The following MLLT10 variants were observed in gnomAD, a reference collection of about 807,000 sequenced individuals.
The protein encoded by MLLT10 is protein AF-10.
In MLLT10, 30 loss-of-function variants were observed where a neutral mutation model predicts 129.1. The ratio of observed to expected loss-of-function variants is 0.23; its 90% CI spans 0.17 to 0.32. The LOEUF is 0.32. Ranked by LOEUF, MLLT10 falls within the 10% of genes least tolerant of loss-of-function variation. MLLT10 has a pLI of 1.00. For missense variants in MLLT10, 1,119 were observed against 1,268.3 expected (o/e 0.88, Z 1.79); for synonymous variants, 490 against 446.4 (o/e 1.10, Z -1.23).
chr10:21,556,354 G>GGGGTTCTTA (rs980984168), intron 3 of MLLT10, among the ~76,000 whole-genome samples: 1 of 152,158 alleles, frequency 6.6e-6, no homozygotes, highest in Non-Finnish European at 1.5e-5. Flanking sequence ...GTGATCTAGC[G>GGGGTTCTTA]GGGTTCTTAG....
intron 8 of MLLT10, among the ~76,000 whole-genome samples, chr10:21,640,293 TTA>T (rs1036470564): frequency 2.1e-5 from 3 of 144,002 alleles, no homozygotes; most frequent in Non-Finnish European, 3.0e-5. Flanking sequence ...ATAATATATA[TTA>T]TATAATATAT....
chr10:21,697,230 G>C (rs1009125045), intron 13 of MLLT10, among the ~76,000 whole-genome samples: 2 of 152,124 alleles, frequency 1.3e-5, no homozygotes, highest in Non-Finnish European at 2.9e-5. Context: ...ACTTTGAGAG[G>C]CTGAGGCGGG....
At chr10:21,721,338 G>A (rs1055886803) in intron 14 of MLLT10, among the ~76,000 whole-genome samples, 3 of 151,940 alleles carry the variant, frequency 2.0e-5, no homozygotes, top group South Asian at 4.1e-4. Flanking sequence ...TTAGTCTTTC[G>A]AACCTAATTT....
chr10:21,678,809 A>G (rs2052448523), intron 11 of MLLT10, among the ~76,000 whole-genome samples: 1 of 152,174 alleles, frequency 6.6e-6, no homozygotes, highest in Non-Finnish European at 1.5e-5. Flanking sequence ...AGTACGTTTA[A>G]GTTTCTTAGG....
At chr10:21,660,927 T>G (rs1043448667) in intron 9 of MLLT10, among the ~76,000 whole-genome samples, 1 of 151,804 alleles carries the variant, frequency 6.6e-6, no homozygotes, top group Admixed American at 6.6e-5. Context: ...TTCTAATATA[T>G]TCATTCAGTG....
intron 10 of MLLT10, among the ~76,000 whole-genome samples, chr10:21,672,377 G>A (rs1043172026): frequency 6.6e-5 from 10 of 151,940 alleles, no homozygotes; most frequent in Non-Finnish European, 1.3e-4. Flanking sequence ...ACAAGCATGC[G>A]TCACCATGCC....
intron 20 of MLLT10, among the ~76,000 whole-genome samples, chr10:21,734,873 T>C (rs1392479307): frequency 6.6e-6 from 1 of 152,242 alleles, no homozygotes. Flanking sequence ...CACATGTAAA[T>C]TTCTATTCCA....
rs565124033 is a variant in MLLT10 at position 21,598,337 on chromosome 10, C to T, written c.405+2897C>T. On this transcript the variant is annotated intron_variant, in intron 5 of 22. Transcript: ENST00000307729. ...GACCTATCATTTCAGAGAAGCATTT[C>T]TCTACTTCTGACACAACAGTATAAT... Among the ~76,000 whole-genome samples, 17 of 152,290 alleles carry T rather than the reference C, an allele frequency of 1.1e-4. No individual in the cohort carries two copies. In the East Asian group the frequency reaches 3.1e-3, roughly 28 times the overall value.
chr10:21,642,648 C>T (rs1447290048), intron 8 of MLLT10, among the ~76,000 whole-genome samples: 1 of 142,156 alleles, frequency 7.0e-6, no homozygotes, highest in Admixed American at 7.3e-5. Flanking sequence ...CAGAGCAAGA[C>T]TCTGTCTCAA....
chr10:21,636,422 G>GA (rs2047464966), intron 8 of MLLT10, among the ~76,000 whole-genome samples: 1 of 152,066 alleles, frequency 6.6e-6, no homozygotes, highest in East Asian at 1.9e-4. Context: ...GAGCCACTGC[G>GA]ACCGGCCCAT....
rs1589035610 is a variant in MLLT10, at chr10:21,576,735, A to T, written c.241-9559A>T. 2.6e-5 allele frequency among the ~76,000 whole-genome samples: 4 copies of T among 151,168 alleles called. No individual in the cohort carries two copies. The South Asian group carries it at 8.3e-4, about 31-fold the overall frequency. On this transcript the variant is annotated intron_variant, in intron 3 of 22. Transcript: ENST00000307729. The stretch of plus-strand genomic sequence containing the variant: ...AACCTCCGCTTCCCGGGTTCAAGCG[A>T]TTCTCCTGCCTCAGCCTCACGAGTA...
chr10:21,688,505 T>C, intron 13 of MLLT10: 1 of 1,613,036 alleles, frequency 6.2e-7, no homozygotes, highest in Non-Finnish European at 8.5e-7. Context: ...AGGTGACAGT[T>C]CTACACTAAC....
At chr10:21,637,223 A>G (rs1215522214) in intron 8 of MLLT10, among the ~76,000 whole-genome samples, 3 of 152,290 alleles carry the variant, frequency 2.0e-5, no homozygotes, top group East Asian at 1.9e-4. Context: ...AAAGGTAGAC[A>G]ATGTGCTTCA....
intron 15 of MLLT10, 60 bp from the exon 16 acceptor site, chr10:21,727,796 G>A: frequency 7.3e-7 from 1 of 1,374,022 alleles, no homozygotes. Context: ...CAGGGCAAGA[G>A]TTTAAAACCT....
At chr10:21,607,843 CTGTTTGG>C (rs2044215474) in intron 5 of MLLT10, among the ~76,000 whole-genome samples, 1 of 152,074 alleles carries the variant, frequency 6.6e-6, no homozygotes, top group South Asian at 2.1e-4. Context: ...ATTGCAATTG[CTGTTTGG>C]TGTCACTTGA....
At chr10:21,614,271 T>A (rs1187008383) in intron 6 of MLLT10, among the ~76,000 whole-genome samples, 2 of 151,500 alleles carry the variant, frequency 1.3e-5, no homozygotes, top group Non-Finnish European at 2.9e-5. Flanking sequence ...GGTTTCATTT[T>A]CATTTCTTCC....
At chr10:21,721,385 A>ATTTC (rs2057123169) in intron 14 of MLLT10, among the ~76,000 whole-genome samples, 1 of 152,194 alleles carries the variant, frequency 6.6e-6, no homozygotes, top group African/African-American at 2.4e-5. Context: ...TTAGGCAGGA[A>ATTTC]AAAAATCTAC....
chr10:21,669,744 A>G (rs1305906187), intron 9 of MLLT10, among the ~76,000 whole-genome samples: 1 of 152,222 alleles, frequency 6.6e-6, no homozygotes, highest in Non-Finnish European at 1.5e-5. Flanking sequence ...ACCTTGTATT[A>G]AAAATGACTG....
At chr10:21,655,403 A>G (rs1456018403) in intron 9 of MLLT10, among the ~76,000 whole-genome samples, 2 of 152,252 alleles carry the variant, frequency 1.3e-5, no homozygotes, top group African/African-American at 4.8e-5. Flanking sequence ...AGAACAGAGT[A>G]GCCATAGACA....
Sources: gnomAD v4.1 joint callset for allele counts (sites outside exome capture counted in the v4.1 genomes callset) on GRCh38, gnomAD v4.1.1 for gene constraint, MANE v1.5 for transcripts, NCBI Gene and HGNC (gene_info 2026-07-23, HGNC 2026-07-21) for gene names.